The following TTLL10 variants were observed in gnomAD, a reference collection of about 807,000 sequenced individuals.
TTLL10 encodes tubulin tyrosine ligase like 10.
A neutral mutation model predicts 69.0 loss-of-function variants in TTLL10; 61 were observed. That is an observed-to-expected ratio of 0.88 (90% CI 0.72 to 1.09). The LOEUF (loss-of-function observed/expected upper bound fraction) is 1.09. Among genes scored for constraint, TTLL10 ranks in the 50% least tolerant of loss-of-function variants. The pLI is 0.00. For missense variants in TTLL10, 962 were observed against 945.9 expected, an observed-to-expected ratio of 1.02 and a Z score of -0.22; for synonymous variants, 408 against 393.3, an observed-to-expected ratio of 1.04 and a Z score of -0.44.
rs546965880 is a variant in TTLL10, at chr1:1,196,687, T to C, written c.1489T>C (p.Cys497Arg). The change falls in exon 14 of 16, where the codon TGT becomes CGT. Residue 497 changes from cysteine (C) to arginine (R), a missense_variant. By Grantham distance (180) the Cys-to-Arg change is radical (BLOSUM62 -3). Transcript: ENST00000379289. ...GCTGGGTTACTTTGACCTCATTGGCTGTGACTTCCTGATTGATGACAACTT... is the reference window on the plus strand; with the variant it reads ...GCTGGGTTACTTTGACCTCATTGGCCGTGACTTCCTGATTGATGACAACTT... ...CKLGYFDLIG[C>R]DFLIDDNFKV... 1.3e-6 allele frequency: 2 copies of C among 1,552,020 alleles called. No homozygotes were observed. The highest frequency in any genetic ancestry group is 2.7e-5 in the African/African-American group (2 of 73,160).
At chr1:1,189,567 G>C (rs1280050531) in intron 13 of TTLL10, among the ~76,000 whole-genome samples, 1 of 152,186 alleles carries the variant, frequency 6.6e-6, no homozygotes, top group East Asian at 1.9e-4. Context: ...TTTCTCGAAT[G>C]TCTTTGCCTG....
At position 1,181,033 on chromosome 1, in the gene TTLL10, T is replaced by C. The variant is rs1570411695; in HGVS notation, c.755+173T>C. The C allele has an allele frequency of 7.5e-6, 3 of 402,324 alleles. No homozygotes were observed. In the South Asian group the frequency reaches 1.1e-4, roughly 15 times the overall value. The allele number at this position is 402,324 out of a possible 1,614,324, so 24.9% of individuals were successfully genotyped here. The stretch of plus-strand genomic sequence containing the variant: ...CAGCCCCTGCCCCTGCCCTTGCCCC[T>C]GCCCCTGGCCACCTGGGCTCCCAGG... On this transcript the variant is annotated intron_variant, in intron 8 of 15. Transcript: ENST00000379289. This position sits in a 1 kb window ranked among gnomAD's most constrained non-coding sequence, Gnocchi z 4.6.
chr1:1,179,607 C>A (rs1490690727), intron 4 of TTLL10, 50 bp from the exon 5 acceptor site: 1 of 1,549,976 alleles, frequency 6.5e-7, no homozygotes, highest in African/African-American at 1.4e-5. Flanking sequence ...ACAATGGCCC[C>A]TTGGGTCACC....
chr1:1,196,814 G>A (rs893109986), intron 14 of TTLL10, 98 bp downstream of exon 14: 3 of 939,264 alleles, frequency 3.2e-6, no homozygotes, highest in Admixed American at 2.0e-5. Flanking sequence ...GGCAGAATCT[G>A]CAGTCAGCCC....
Position 1,179,734 on chromosome 1 carries a change from G to C in TTLL10, c.196G>C (p.Val66Leu), listed in dbSNP as rs552718861. The C allele has an allele frequency of 2.2e-4, 335 of 1,549,010 alleles. 5 individuals are homozygous for C. In the East Asian group the frequency reaches 8.1e-3, roughly 38 times the overall value. ...GPCPAPGHCP[V>L]GPAHERPMGS... The stretch of plus-strand genomic sequence containing the variant: ...CTGCCCTGCACCAGGCCACTGCCCT[G>C]TTGGTGAGGAGGGTCGGAGGGGCGA... The change falls in exon 5 of 16, where the codon GTT becomes CTT. Residue 66 changes from valine to leucine, a missense_variant. Val to Leu is a conservative substitution (Grantham distance 32). Transcript: ENST00000379289.
At position 1,182,972 on chromosome 1, in the gene TTLL10, A is replaced by C. The variant is rs1315861141; in HGVS notation, c.1013A>C (p.Lys338Thr). ...GAGGAAGTTGCCGCCCTGCAGGCCAAGACCCGGAGCATGGAGGACGACCCC... is the reference window on the plus strand; with the variant it reads ...GAGGAAGTTGCCGCCCTGCAGGCCACGACCCGGAGCATGGAGGACGACCCC... ...NQEEVAALQA[K>T]TRSMEDDPIH... Residue 338 changes from lysine (K) to threonine (T), a missense_variant, in exon 11 of 16, where the codon AAG (lysine) becomes ACG (threonine). Lys to Thr is a moderately conservative substitution (Grantham distance 78). Coordinates refer to ENST00000379289, the MANE Select transcript of TTLL10 (RefSeq NM_001130045.2). 14 of 1,607,558 alleles carry C rather than the reference A, an allele frequency of 8.7e-6. No individual in the cohort carries two copies. Among genetic ancestry groups the C allele is most frequent in the South Asian group, 1.1e-5 (1 of 89,830 alleles).
rs1049072877 is a variant in TTLL10, at chr1:1,197,788, G to T, written c.1963G>T (p.Glu655Ter). 1.4e-5 allele frequency: 22 copies of T among 1,530,472 alleles called. No individual in the cohort carries two copies. The highest frequency in any genetic ancestry group is 1.9e-5 in the Non-Finnish European group (22 of 1,140,348). 94.8% of individuals were successfully genotyped at this position (1,530,472 alleles called of 1,614,324 possible). ...CACAGGCAACAGGCACCCGGCGCAA[G>T]AGCCTTCCCCGGGGACAGCCAAGGA... ...SGTGNRHPAQ[E>*]PSPGTAKEER... The change falls in exon 16 of 16, where the codon GAG becomes TAG. Residue 655 changes from glutamate (E) to a stop codon, truncating the protein, a stop_gained. Transcript: ENST00000379289. LOFTEE classifies it high-confidence loss of function.
At chr1:1,193,608 C>T (rs1009421288) in intron 13 of TTLL10, among the ~76,000 whole-genome samples, 8 of 151,668 alleles carry the variant, frequency 5.3e-5, no homozygotes, top group African/African-American at 1.5e-4. Flanking sequence ...GGATTACAGG[C>T]GCATGCCACC....
intron 13 of TTLL10, among the ~76,000 whole-genome samples, chr1:1,188,017 A>G (rs1227536870): frequency 6.6e-6 from 1 of 152,144 alleles, no homozygotes; most frequent in African/African-American, 2.4e-5. Context: ...TTTTCAGTTA[A>G]TTTTTGTGTA....
At chr1:1,176,201 A>T (rs1210118412) in intron 3 of TTLL10, 2 of 438,416 alleles carry the variant, frequency 4.6e-6, no homozygotes, top group African/African-American at 4.6e-5. Context: ...GTGCCGGTGG[A>T]GAGGCTGCTG....
chr1:1,185,238 G>A lies in TTLL10; in HGVS notation c.1401+129G>A, dbSNP rs914288174. 46 of 1,478,810 alleles carry A rather than the reference G, an allele frequency of 3.1e-5. No homozygotes were observed. Among genetic ancestry groups the A allele is most frequent in the African/African-American group, 8.5e-5 (6 of 70,496 alleles). The allele number at this position is 1,478,810 out of a possible 1,614,324, so 91.6% of individuals were successfully genotyped here. The stretch of plus-strand genomic sequence containing the variant: ...GGCTGCGCTGAAGTGTGACCTGACC[G>A]TGTGGAACCAAACCCTTCCAGCGTC... On this transcript the variant is annotated intron_variant, in intron 13 of 15. Coordinates refer to ENST00000379289, the MANE Select transcript of TTLL10 (RefSeq NM_001130045.2). The surrounding 1 kb of genome is among the most constrained non-coding windows in gnomAD (Gnocchi z 6.1).
Position 1,177,028 on chromosome 1 carries a change from CTG to C in TTLL10, c.-27-2153_-27-2152del, listed in dbSNP as rs1022835250. Among the ~76,000 whole-genome samples, 3 of 151,472 alleles carry C rather than the reference CTG, an allele frequency of 2.0e-5. 1 individual carries two copies. The East Asian group carries it at 5.8e-4, about 29-fold the overall frequency. On this transcript the variant is annotated intron_variant, in intron 3 of 15. Coordinates refer to ENST00000379289, the MANE Select transcript of TTLL10 (RefSeq NM_001130045.2). Reference sequence around the variant, plus strand: ...TCTGTGTGTCTACATGTCTGCGTGTCTGTGTGTGTCAGCGTCTGTGTGTGTGG... The same window carrying C: ...TCTGTGTGTCTACATGTCTGCGTGTCTGTGTGTCAGCGTCTGTGTGTGTGG...
intron 13 of TTLL10, among the ~76,000 whole-genome samples, chr1:1,186,048 T>C (rs1262535254): frequency 6.6e-6 from 1 of 152,022 alleles, no homozygotes; most frequent in Non-Finnish European, 1.5e-5. Flanking sequence ...CTTACCGTGG[T>C]GTTTTCAGGG....
rs754823116 is a variant in TTLL10, at chr1:1,179,703, C to G, written c.165C>G (p.Pro55=). ...SRLHPAPASQ[P]GPCPAPGHCP... ...TGCACCCAGCACCGGCCTCACAGCC[C>G]GGCCCCTGCCCTGCACCAGGCCACT... Residue 55 remains proline (P), a synonymous_variant, in exon 5 of 16, where the codon CCC becomes CCG. Transcript: ENST00000379289. The G allele has an allele frequency of 1.9e-6, 3 of 1,550,734 alleles. No individual in the cohort carries two copies. Among genetic ancestry groups the G allele is most frequent in the Non-Finnish European group, 2.6e-6 (3 of 1,146,808 alleles).
In TTLL10 at chr1:1,174,272, C is replaced by A. The variant is rs1384742729; in HGVS notation, c.-130-13C>A. ...CGGCTGCTTGAGCCCACAGGTCGTG[C>A]GTCCTTTGACAGCGGCCTCCGGCCG... On this transcript the variant is annotated splice_polypyrimidine_tract_variant and intron_variant, in intron 1 of 15. Transcript: ENST00000379289. 6.6e-6 allele frequency: 1 copy of A among 152,634 alleles called. No individual in the cohort carries two copies. The highest frequency in any genetic ancestry group is 2.4e-5 in the African/African-American group (1 of 41,478). The allele number at this position is 152,634 out of a possible 1,614,324, so 9.5% of individuals were successfully genotyped here.
intron 3 of TTLL10, among the ~76,000 whole-genome samples, chr1:1,177,803 C>T (rs528955276): frequency 7.4e-4 from 113 of 152,280 alleles, no homozygotes; most frequent in African/African-American, 2.5e-3. Flanking sequence ...ACACCTGCTC[C>T]GTGCCTGCGC....
chr1:1,190,855 C>T (rs1239262398), intron 13 of TTLL10, among the ~76,000 whole-genome samples: 5 of 151,758 alleles, frequency 3.3e-5, no homozygotes, highest in African/African-American at 7.3e-5. Context: ...GATGGAGTTT[C>T]GCTCTTGTCA....
chr1:1,182,843 C>T (rs746709502), intron 10 of TTLL10, 33 bp from the exon 11 acceptor site: 44 of 1,522,676 alleles, frequency 2.9e-5, no homozygotes, highest in South Asian at 1.8e-4. Context: ...GGGTTGGGGG[C>T]GAGGCCAGGG....
At chr1:1,189,316 C>A (rs1054914872) in intron 13 of TTLL10, among the ~76,000 whole-genome samples, 3 of 152,136 alleles carry the variant, frequency 2.0e-5, no homozygotes, top group African/African-American at 7.2e-5. Context: ...TTGTTAATAT[C>A]CTAGAAGGAT....
Sources: gnomAD v4.1 joint callset for allele counts (sites outside exome capture counted in the v4.1 genomes callset) on GRCh38, gnomAD v4.1.1 for gene constraint, Gnocchi (gnomAD v3.1) non-coding constraint, MANE v1.5 for transcripts, NCBI Gene and HGNC (gene_info 2026-07-23, HGNC 2026-07-21) for gene names.